Variants in RHCE observed in about 807,000 individuals in gnomAD.
The protein encoded by RHCE is Rh blood group CcEe antigens.
A neutral mutation model predicts 43.8 loss-of-function variants in RHCE; 22 were observed. That is an observed-to-expected ratio of 0.50 (90% CI 0.36 to 0.72). The LOEUF is 0.72. Among genes scored for constraint, RHCE ranks in the 30% least tolerant of loss-of-function variants. The probability of loss-of-function intolerance (pLI) is 0.00; values close to 1 mark genes in which losing one functional copy is unlikely to be tolerated. For synonymous variants in RHCE, 156 were observed against 210.7 expected (o/e 0.74, Z 2.25); for missense variants, 385 against 525.4 (o/e 0.73, Z 2.61).
chr1:25,423,436 C>T (rs2042782536), upstream of RHCE, among the ~76,000 whole-genome samples: 1 of 152,210 alleles, frequency 6.6e-6, no homozygotes, highest in Non-Finnish European at 1.5e-5. Context: ...AGCTGGCAAA[C>T]AGCGTGGGTG....
chr1:25,392,321 G>A (rs2124431777), intron 3 of RHCE, among the ~76,000 whole-genome samples, 180 bp from the exon 4 acceptor site: 1 of 152,300 alleles, frequency 6.6e-6, no homozygotes, highest in South Asian at 2.1e-4. Flanking sequence ...GAGTGCAATG[G>A]CACGATCTCG....
At chr1:25,367,837 G>A (rs1645472792) in intron 9 of RHCE, among the ~76,000 whole-genome samples, 1 of 148,708 alleles carries the variant, frequency 6.7e-6, no homozygotes, top group Non-Finnish European at 1.5e-5. Flanking sequence ...AGCCTGCCAT[G>A]GTGGCCTACA....
chr1:25,427,994 G>A (rs2042817923), intron 2 of RHCE, among the ~76,000 whole-genome samples: 1 of 152,174 alleles, frequency 6.6e-6, no homozygotes, highest in Admixed American at 6.5e-5. Context: ...ATCACCCTCA[G>A]ATTTTCTCTG....
At chr1:25,416,239 C>T (rs190145300) in intron 1 of RHCE, among the ~76,000 whole-genome samples, 2 of 152,040 alleles carry the variant, frequency 1.3e-5, no homozygotes, top group African/African-American at 4.8e-5. Flanking sequence ...CAACTAATGG[C>T]AGGGTTTTAT....
chr1:25,372,389 CAT>C, intron 8 of RHCE, among the ~76,000 whole-genome samples: 1 of 151,474 alleles, frequency 6.6e-6, no homozygotes, highest in Non-Finnish European at 1.5e-5. Flanking sequence ...CGTGGTGGTG[CAT>C]GCCTGTAATC....
chr1:25,400,296 A>G (rs1023629887), intron 3 of RHCE, among the ~76,000 whole-genome samples: 4 of 152,154 alleles, frequency 2.6e-5, no homozygotes, highest in African/African-American at 9.7e-5. Context: ...CTCTACAACC[A>G]TGCATGCCAA....
At chr1:25,380,564 A>G (rs1319797787) in intron 7 of RHCE, among the ~76,000 whole-genome samples, 1 of 152,200 alleles carries the variant, frequency 6.6e-6, no homozygotes, top group Non-Finnish European at 1.5e-5. Flanking sequence ...GGGAGAAGGC[A>G]TGCCCCCTCA....
intron 1 of RHCE, among the ~76,000 whole-genome samples, chr1:25,429,609 C>T (rs930417455): frequency 6.6e-6 from 1 of 152,166 alleles, no homozygotes; most frequent in African/African-American, 2.4e-5. Flanking sequence ...ATGTTAAAAA[C>T]AGTATGACTA....
At chr1:25,380,648 C>T (rs142694853) in intron 7 of RHCE, among the ~76,000 whole-genome samples, 6,712 of 152,244 alleles carry the variant, frequency 0.044, 475 homozygotes, top group African/African-American at 0.15. Context: ...TTACCTTCCA[C>T]ATCACACCTG....
chr1:25,387,772 A>G (rs1646224593), intron 6 of RHCE, among the ~76,000 whole-genome samples: 1 of 151,988 alleles, frequency 6.6e-6, no homozygotes, highest in African/African-American at 2.4e-5. Flanking sequence ...GCTGCAAATG[A>G]CAGGATTTCA....
intron 3 of RHCE, among the ~76,000 whole-genome samples, chr1:25,402,198 GTCTGTCTGTCTATCTA>G (rs1393863630): frequency 4.8e-4 from 65 of 136,026 alleles, no homozygotes; most frequent in African/African-American, 1.7e-3. Flanking sequence ...CTGTCTGTCT[GTCTGTCTGTCTATCTA>G]TCTATCTATC....
At position 25,420,755 on chromosome 1, in the gene RHCE, C is replaced by T. The variant is rs755850378; in HGVS notation, c.32G>A (p.Arg11His). Reference protein sequence around the residue: MSSKYPRSVRRCLPLCALTLE... With the variant: MSSKYPRSVRHCLPLCALTLE... Reference sequence around the variant, plus strand: ...TGTTAGGGCGCAGAGGGGCAGGCAGCGCCGGACAGACCGCGGGTACTTAGA... The same window carrying T: ...TGTTAGGGCGCAGAGGGGCAGGCAGTGCCGGACAGACCGCGGGTACTTAGA... Residue 11 changes from arginine to histidine, a missense_variant, in exon 1 of 10, where the codon CGC (arginine) becomes CAC (histidine). Transcript: ENST00000294413. 8.1e-6 allele frequency: 13 copies of T among 1,609,032 alleles called. No homozygotes were observed. In the African/African-American group the frequency reaches 1.3e-4, roughly 17 times the overall value.
chr1:25,396,777 C>T (rs1646553346), intron 3 of RHCE, among the ~76,000 whole-genome samples: 1 of 152,112 alleles, frequency 6.6e-6, no homozygotes, highest in Non-Finnish European at 1.5e-5. Context: ...GATTACAATT[C>T]GAGATGAGAT....
At position 25,362,681 on chromosome 1, in the gene RHCE, A is replaced by G. The variant is rs1055651750; in HGVS notation, c.1228-128T>C. 5.1e-6 allele frequency: 3 copies of G among 593,850 alleles called. No homozygotes were observed. The African/African-American group carries it at 7.7e-5, about 15-fold the overall frequency. 36.8% of individuals were successfully genotyped at this position (593,850 alleles called of 1,614,324 possible). A position where few individuals can be genotyped will look rare whatever the true frequency, so the allele number is the denominator to read the frequency against. ...AATTCTTTCATAAAATCTGAATTGG[A>G]AGAGATCTTGGATATATAGGTTTTA... On this transcript the variant is annotated intron_variant, in intron 9 of 9. Coordinates refer to ENST00000294413, the MANE Select transcript of RHCE (RefSeq NM_020485.8).
chr1:25,362,588 G>A (rs1645433300), intron 9 of RHCE, 35 bp from the exon 10 acceptor site: 6 of 1,418,212 alleles, frequency 4.2e-6, no homozygotes, highest in African/African-American at 1.5e-5. Context: ...TATTGCAGAT[G>A]AACCCACATA....
chr1:25,424,869 T>C (rs2042793541), upstream of RHCE, among the ~76,000 whole-genome samples: 1 of 152,038 alleles, frequency 6.6e-6, no homozygotes, highest in Non-Finnish European at 1.5e-5. Flanking sequence ...CAGGCTGGAA[T>C]GCAGTGGCAC....
intron 3 of RHCE, among the ~76,000 whole-genome samples, chr1:25,398,031 C>A (rs916490743): frequency 2.2e-5 from 3 of 136,280 alleles, no homozygotes; most frequent in African/African-American, 7.7e-5. Context: ...AACAAGTGTT[C>A]GGTCACTTGT....
intron 7 of RHCE, among the ~76,000 whole-genome samples, chr1:25,379,489 ATATATATT>A (rs1313461001): frequency 1.0e-4 from 2 of 19,692 alleles, no homozygotes; most frequent in Admixed American, 1.0e-3. Context: ...ATATATATAT[ATATATATT>A]TTTTTTTTTT....
At chr1:25,412,797 G>A (rs1316329375) in intron 1 of RHCE, among the ~76,000 whole-genome samples, 1 of 151,688 alleles carries the variant, frequency 6.6e-6, no homozygotes, top group African/African-American at 2.4e-5. Flanking sequence ...GGCTGAGGTG[G>A]GCAGATCACT....
Sources: gnomAD v4.1 joint callset for allele counts (sites outside exome capture counted in the v4.1 genomes callset) on GRCh38, gnomAD v4.1.1 for gene constraint, MANE v1.5 for transcripts, NCBI Gene and HGNC (gene_info 2026-07-23, HGNC 2026-07-21) for gene names.